The following MIR2052HG variants were observed in gnomAD, a reference collection of about 807,000 sequenced individuals.
MIR2052HG encodes MIR2052 host gene.
At chr8:74,665,288 A>G (rs986194484) in intron 2 of MIR2052HG, among the ~76,000 whole-genome samples, 16 of 152,338 alleles carry the variant, frequency 1.1e-4, no homozygotes, top group Admixed American at 2.0e-4. Flanking sequence ...ATGATGTGAT[A>G]TGAACTCGCA....
At chr8:74,694,730 A>G (rs1268892639) in intron 2 of MIR2052HG, among the ~76,000 whole-genome samples, 1 of 152,228 alleles carries the variant, frequency 6.6e-6, no homozygotes, top group Non-Finnish European at 1.5e-5. Context: ...TCAAAGAAGT[A>G]GAAGAAAGAA....
intron 2 of MIR2052HG, among the ~76,000 whole-genome samples, chr8:74,679,265 T>A (rs981418264): frequency 1.3e-5 from 2 of 152,024 alleles, no homozygotes; most frequent in African/African-American, 4.8e-5. Context: ...TCCCCTTGAG[T>A]CCCTGAAGTC....
intron 1 of MIR2052HG, chr8:74,603,512 G>C: frequency 6.4e-7 from 1 of 1,557,394 alleles, no homozygotes; most frequent in Admixed American, 1.7e-5. Context: ...GGAATGGTAA[G>C]TTCATGAGAA....
At chr8:74,734,152 G>T (rs1809723390) in intron 4 of MIR2052HG, among the ~76,000 whole-genome samples, 1 of 147,930 alleles carries the variant, frequency 6.8e-6, no homozygotes. Context: ...ACATTTAGTT[G>T]CTTGAGTCCT....
chr8:74,651,122 C>CTT (rs58403987), intron 2 of MIR2052HG, among the ~76,000 whole-genome samples: 129 of 148,508 alleles, frequency 8.7e-4, no homozygotes, highest in South Asian at 1.7e-3. Context: ...GTAATAAATT[C>CTT]TTTTTTTTTT....
chr8:74,729,349 T>G (rs1208210344), intron 4 of MIR2052HG, among the ~76,000 whole-genome samples: 2 of 152,144 alleles, frequency 1.3e-5, no homozygotes, highest in South Asian at 4.1e-4. Flanking sequence ...TCTCATCAAA[T>G]TTAAGATGTA....
At chr8:74,749,570 GC>G (rs1809923047) in intron 4 of MIR2052HG, among the ~76,000 whole-genome samples, 1 of 152,090 alleles carries the variant, frequency 6.6e-6, no homozygotes, top group African/African-American at 2.4e-5. Context: ...AGCTTCGTAA[GC>G]CAGGCACAGT....
exon 4 of MIR2052HG, chr8:74,703,618 A>G (rs1185632365): frequency 2.2e-6 from 1 of 452,772 alleles, no homozygotes; most frequent in Non-Finnish European, 4.4e-6. Context: ...TGCTTATTGA[A>G]TATTACTGGG....
At chr8:74,652,412 G>A (rs1808762959) in intron 2 of MIR2052HG, among the ~76,000 whole-genome samples, 1 of 152,116 alleles carries the variant, frequency 6.6e-6, no homozygotes, top group Non-Finnish European at 1.5e-5. Flanking sequence ...TCTAGGCTCT[G>A]GAGTGAAGAC....
chr8:74,718,484 T>G (rs1809542833), intron 4 of MIR2052HG, among the ~76,000 whole-genome samples: 1 of 151,780 alleles, frequency 6.6e-6, no homozygotes, highest in African/African-American at 2.4e-5. Flanking sequence ...AGCCAGTGAG[T>G]AGGAGGAAAG....
chr8:74,744,301 T>C (rs1166910774), intron 4 of MIR2052HG, among the ~76,000 whole-genome samples: 1 of 151,344 alleles, frequency 6.6e-6, no homozygotes, highest in Non-Finnish European at 1.5e-5. Context: ...TTTTTAGAGA[T>C]GGGGTCTCAC....
intron 2 of MIR2052HG, among the ~76,000 whole-genome samples, chr8:74,653,458 T>A (rs1808773049): frequency 6.6e-6 from 1 of 152,336 alleles, no homozygotes; most frequent in Non-Finnish European, 1.5e-5. Flanking sequence ...GGCCATGAGA[T>A]TTCAGTGGGG....
At chr8:74,663,369 C>T (rs7826086) in intron 2 of MIR2052HG, among the ~76,000 whole-genome samples, 3,159 of 152,164 alleles carry the variant, frequency 0.021, 112 homozygotes, top group African/African-American at 0.072. Context: ...TTAAGAACAC[C>T]GTGTTTTGAA....
chr8:74,702,717 C>T (rs1809370161), intron 3 of MIR2052HG, among the ~76,000 whole-genome samples: 1 of 152,072 alleles, frequency 6.6e-6, no homozygotes, highest in Admixed American at 6.6e-5. Context: ...AAGAGCACTA[C>T]ATTAGACTGA....
chr8:74,730,385 A>G lies in MIR2052HG; in HGVS notation n.372-22056A>G, dbSNP rs535813138. ...GGTTTTCTCATGAGACAAAAGGTAAATATTTCTAATATGGAAAGAGTTTCT... is the reference window on the plus strand; with the variant it reads ...GGTTTTCTCATGAGACAAAAGGTAAGTATTTCTAATATGGAAAGAGTTTCT... On this transcript the variant is annotated intron_variant and non_coding_transcript_variant, in intron 4 of 6. Coordinates refer to ENST00000523442, the Ensembl canonical transcript of MIR2052HG. Among the ~76,000 whole-genome samples, 4 of 152,330 alleles carry G rather than the reference A, an allele frequency of 2.6e-5. No homozygotes were observed. In the South Asian group the frequency reaches 6.2e-4, roughly 24 times the overall value.
intron 4 of MIR2052HG, among the ~76,000 whole-genome samples, chr8:74,714,446 T>C (rs764489615): frequency 6.6e-6 from 1 of 152,142 alleles, no homozygotes; most frequent in Non-Finnish European, 1.5e-5. Flanking sequence ...ATAAAGTAAA[T>C]GAAAGTTATA....
chr8:74,721,758 T>C (rs888965291), intron 4 of MIR2052HG, among the ~76,000 whole-genome samples: 11 of 152,200 alleles, frequency 7.2e-5, no homozygotes, highest in Admixed American at 5.2e-4. Flanking sequence ...AAATCACAAC[T>C]GCAGCCCAGA....
At chr8:74,667,957 T>G (rs1167054112) in intron 2 of MIR2052HG, among the ~76,000 whole-genome samples, 1 of 151,650 alleles carries the variant, frequency 6.6e-6, no homozygotes, top group African/African-American at 2.4e-5. Context: ...TTGTCAGGCA[T>G]GTAGGCCCAT....
At chr8:74,650,322 G>A (rs900314852) in intron 2 of MIR2052HG, among the ~76,000 whole-genome samples, 2 of 152,018 alleles carry the variant, frequency 1.3e-5, no homozygotes, top group African/African-American at 2.4e-5. Flanking sequence ...TTCACTTAAC[G>A]TAAGGTTTTT....
Sources: gnomAD v4.1 joint callset for allele counts (sites outside exome capture counted in the v4.1 genomes callset) on GRCh38, gnomAD v4.1.1 for gene constraint, MANE v1.5 for transcripts, NCBI Gene and HGNC (gene_info 2026-07-23, HGNC 2026-07-21) for gene names.